Variants in WEE2 observed in about 807,000 individuals in gnomAD.
WEE2 encodes the protein WEE2 oocyte meiosis inhibiting kinase, also known as wee1-like protein kinase 2.
A neutral mutation model predicts 60.1 loss-of-function variants in WEE2; 50 were observed. That is an observed-to-expected ratio of 0.83 (90% CI 0.66 to 1.05). The LOEUF (loss-of-function observed/expected upper bound fraction) is 1.05, where lower values mean the gene tolerates loss of function less well. WEE2 is among the 50% of genes least tolerant of loss of function. WEE2 has a pLI of 0.00. For synonymous variants in WEE2, 240 were observed against 241.0 expected, an observed-to-expected ratio of 1.00 and a Z score of 0.04; for missense variants, 631 against 684.3, an observed-to-expected ratio of 0.92 and a Z score of 0.87.
chr7:141,725,594 C>A (rs1227685173), intron 9 of WEE2, among the ~76,000 whole-genome samples: 1 of 148,338 alleles, frequency 6.7e-6, no homozygotes, highest in African/African-American at 2.5e-5. Context: ...CACTGCACTC[C>A]AGCCTGGGCG....
intron 2 of WEE2, among the ~76,000 whole-genome samples, chr7:141,715,371 A>G (rs928847684): frequency 1.8e-4 from 28 of 152,192 alleles, no homozygotes; most frequent in Non-Finnish European, 3.1e-4. Flanking sequence ...TGCTTCTAAG[A>G]GAGTATTTTT....
intron 2 of WEE2, 75 bp downstream of exon 2, chr7:141,714,480 T>C: frequency 8.6e-7 from 1 of 1,168,606 alleles, no homozygotes; most frequent in Non-Finnish European, 1.2e-6. Context: ...AGTGTTAAAG[T>C]AAGATTAGGA....
intron 5 of WEE2, among the ~76,000 whole-genome samples, chr7:141,721,737 T>C (rs1274381144): frequency 6.6e-6 from 1 of 152,188 alleles, no homozygotes; most frequent in Non-Finnish European, 1.5e-5. Flanking sequence ...GTGCTGGGAT[T>C]ACAGGCGTGA....
Position 141,720,979 on chromosome 7 carries a change from A to G in WEE2, c.803A>G (p.His268Arg), listed in dbSNP as rs754865934. The G allele has an allele frequency of 8.1e-6, 13 of 1,614,222 alleles. No individual in the cohort carries two copies. Among genetic ancestry groups the G allele is most frequent in the Non-Finnish European group, 1.1e-5 (13 of 1,180,024 alleles). The part of the protein sequence containing the change: ...HEVYAHAVLG[H>R]HPHVVRYYSS... Reference sequence around the variant, plus strand: ...GTTTATGCTCACGCAGTGCTTGGGCATCACCCCCATGTGGTACGTTACTAT... The same window carrying G: ...GTTTATGCTCACGCAGTGCTTGGGCGTCACCCCCATGTGGTACGTTACTAT... Residue 268 changes from histidine (H) to arginine (R), a missense_variant, in exon 5 of 12, where the codon CAT becomes CGT. His to Arg is a conservative substitution (Grantham distance 29). Transcript: ENST00000397541.
At chr7:141,716,507 T>TTCTCCTAC (rs577363000) in intron 3 of WEE2, among the ~76,000 whole-genome samples, 191 of 148,462 alleles carry the variant, frequency 1.3e-3, no homozygotes, top group Non-Finnish European at 2.1e-3. Flanking sequence ...CTCCCCTCCT[T>TTCTCCTAC]TCTCCTACTC....
intron 2 of WEE2, 71 bp from the exon 3 acceptor site, chr7:141,716,151 T>C: frequency 7.5e-7 from 1 of 1,330,438 alleles, no homozygotes; most frequent in Middle Eastern, 2.5e-4. Context: ...CTTACATCCC[T>C]AGAACCTAGC....
chr7:141,728,702 G>A (rs746031591), intron 10 of WEE2, among the ~76,000 whole-genome samples: 6 of 151,800 alleles, frequency 4.0e-5, no homozygotes, highest in Non-Finnish European at 7.3e-5. Context: ...CCATGGACCA[G>A]TACCAGTCTG....
At position 141,711,597 on chromosome 7, in the gene WEE2, A is replaced by G. The variant is rs1196859278; in HGVS notation, c.342+2497A>G. The stretch of plus-strand genomic sequence containing the variant: ...CATCTAGAGATAGAAGAGCATGCTT[A>G]GGAGGTGTAAGCTCCCTGTGGCTAA... On this transcript the variant is annotated intron_variant, in intron 1 of 11. Coordinates refer to ENST00000397541, the MANE Select transcript of WEE2 (RefSeq NM_001105558.1). The surrounding 1 kb of genome is among the most constrained non-coding windows in gnomAD (Gnocchi z 4.2). Among the ~76,000 whole-genome samples, 1 of 152,218 alleles carries G rather than the reference A, an allele frequency of 6.6e-6. No individual in the cohort carries two copies. The highest frequency in any genetic ancestry group is 1.5e-5 in the Non-Finnish European group (1 of 68,036).
At chr7:141,714,124 C>A in intron 1 of WEE2, 85 bp from the exon 2 acceptor site, 4 of 1,219,688 alleles carry the variant, frequency 3.3e-6, no homozygotes, top group Non-Finnish European at 4.6e-6. Context: ...CAAAAGCATT[C>A]TTAGATTCAA....
In WEE2 at chr7:141,725,163, G is replaced by A; in HGVS notation, c.1359G>A (p.Gln453=). Residue 453 remains glutamine, a synonymous_variant, in exon 9 of 12, where the codon CAG becomes CAA. Transcript: ENST00000397541. ...IRKGNFPDVP[Q]ELSESFSSLL... ...AGGGTAACTTTCCGGACGTTCCTCA[G>A]GAGCTCTCAGAAAGCTTTTCCAGTC... The A allele has an allele frequency of 6.2e-7, 1 of 1,614,178 alleles. No homozygotes were observed.
chr7:141,710,597 A>T (rs1798694671), intron 1 of WEE2, among the ~76,000 whole-genome samples: 1 of 152,194 alleles, frequency 6.6e-6, no homozygotes, highest in South Asian at 2.1e-4. Context: ...AGGAATTAGG[A>T]ATTACATCTC....
intron 9 of WEE2, among the ~76,000 whole-genome samples, chr7:141,726,774 C>T (rs1220856013): frequency 1.3e-5 from 2 of 152,108 alleles, no homozygotes; most frequent in East Asian, 1.9e-4. Flanking sequence ...GAATTTGGTT[C>T]AGTGTTTTCT....
At chr7:141,723,045 C>G (rs1016067764) in intron 5 of WEE2, 89 bp from the exon 6 acceptor site, 2 of 1,526,940 alleles carry the variant, frequency 1.3e-6, no homozygotes, top group African/African-American at 1.4e-5. Flanking sequence ...GGAACTAATA[C>G]CCTGAAGATA....
rs779952735 is a variant in WEE2 at position 141,716,213 on chromosome 7, T to C, written c.540-9T>C. 4 of 1,610,228 alleles carry C rather than the reference T, an allele frequency of 2.5e-6. No homozygotes were observed. The highest frequency in any genetic ancestry group is 2.2e-5 in the South Asian group (2 of 90,320). ...TATATATTGATAAACTTTTTTTTTC[T>C]TTTTTAAGTGAGGAAGCTGGTCCAG... On this transcript the variant is annotated splice_polypyrimidine_tract_variant and intron_variant, in intron 2 of 11. Transcript: ENST00000397541.
intron 9 of WEE2, among the ~76,000 whole-genome samples, chr7:141,725,624 C>T (rs887562609): frequency 2.0e-5 from 2 of 101,266 alleles, no homozygotes; most frequent in Non-Finnish European, 4.1e-5. Flanking sequence ...GACTCCGTCT[C>T]AAAAAAAAAA....
chr7:141,727,363 A>T lies in WEE2; in HGVS notation c.1452A>T (p.Thr484=). The change falls in exon 10 of 12, where the codon ACA becomes ACT. Residue 484 remains threonine, a synonymous_variant. Coordinates refer to ENST00000397541, the MANE Select transcript of WEE2 (RefSeq NM_001105558.1). ...CTGCAGCAGCTCTGGCCAGAAATAC[A>T]GTTCTCCGGCCTTCCCTGGGAAAAA... is the stretch of plus-strand genomic sequence containing the variant. The part of the protein sequence containing the change: ...RPSAAALARN[T]VLRPSLGKTE... The T allele has an allele frequency of 1.2e-6, 2 of 1,614,192 alleles. No homozygotes were observed. The highest frequency in any genetic ancestry group is 1.7e-6 in the Non-Finnish European group (2 of 1,180,038).
In WEE2 at chr7:141,708,869, G is replaced by C; in HGVS notation, c.111G>C (p.Ser37=). ...QKKVEESREA[S]SQTPEKGEVQ... ...AAGTAGAAGAAAGCAGGGAGGCTTC[G>C]AGCCAAACCCCAGAGAAGGGTGAAG... The change falls in exon 1 of 12, where the codon TCG becomes TCC. Residue 37 remains serine, a synonymous_variant. Transcript: ENST00000397541. 6.2e-7 allele frequency: 1 copy of C among 1,614,148 alleles called. No individual in the cohort carries two copies. The highest frequency in any genetic ancestry group is 8.5e-7 in the Non-Finnish European group (1 of 1,180,018).
rs142608145 is a variant in WEE2, at chr7:141,723,607, C to T, written c.1027+327C>T. 1.9e-3 allele frequency among the ~76,000 whole-genome samples: 286 copies of T among 152,266 alleles called. 1 individual carries two copies. Among genetic ancestry groups the T allele is most frequent in the African/African-American group, 6.5e-3 (269 of 41,556 alleles). On this transcript the variant is annotated intron_variant, in intron 6 of 11. Transcript: ENST00000397541. The stretch of plus-strand genomic sequence containing the variant: ...TAGGGCTATACTCATTCTAACTCTG[C>T]ACTGATTAAAGAGAAATGAGTAACT...
chr7:141,729,762 G>GTGGA (rs1799096291), intron 11 of WEE2, 89 bp downstream of exon 11: 2 of 1,454,662 alleles, frequency 1.4e-6, no homozygotes, highest in African/African-American at 2.9e-5. Context: ...GCCAAGGCAG[G>GTGGA]TGGATCATGA....
Sources: allele counts gnomAD v4.1 joint callset (sites outside exome capture counted in the v4.1 genomes callset), GRCh38; gene constraint gnomAD v4.1.1; non-coding constraint Gnocchi (gnomAD v3.1); transcripts MANE v1.5; gene names NCBI Gene and HGNC (gene_info 2026-07-23, HGNC 2026-07-21).